Variants in DVL3 observed in about 807,000 individuals in gnomAD.
The protein encoded by DVL3 is segment polarity protein dishevelled homolog DVL-3.
In DVL3, 27 loss-of-function variants were observed where a neutral mutation model predicts 67.4. That is an observed-to-expected ratio of 0.40 (90% CI 0.30 to 0.55). The LOEUF (loss-of-function observed/expected upper bound fraction) is 0.55, where lower values mean the gene tolerates loss of function less well. Ranked by LOEUF, DVL3 falls within the 20% of genes least tolerant of loss-of-function variation. The pLI, the probability that DVL3 is intolerant of heterozygous loss-of-function variation, is 0.46. For synonymous variants in DVL3, 369 were observed against 396.8 expected, an observed-to-expected ratio of 0.93 and a Z score of 0.83; for missense variants, 819 against 1,021.5, an observed-to-expected ratio of 0.80 and a Z score of 2.70.
Position 184,164,714 on chromosome 3 carries a change from G to A in DVL3, c.464-82G>A. On this transcript the variant is annotated intron_variant, in intron 4 of 14. Coordinates refer to ENST00000313143, the MANE Select transcript of DVL3 (RefSeq NM_004423.4). This position sits in a 1 kb window ranked among gnomAD's most constrained non-coding sequence, Gnocchi z 5.3. ...CGAGCTCAGGATATGCCTGGCCCCA[G>A]TGCAGCCCCTGGCTTGCCTCTCTCC... is the stretch of plus-strand genomic sequence containing the variant. 5.0e-6 allele frequency: 8 copies of A among 1,599,832 alleles called. No homozygotes were observed. Among genetic ancestry groups the A allele is most frequent in the Non-Finnish European group, 8.5e-7 (1 of 1,171,666 alleles).
rs567656191 is a variant in DVL3, at chr3:184,165,410, T to C, written c.694-12T>C. On this transcript the variant is annotated splice_polypyrimidine_tract_variant and intron_variant, in intron 6 of 14. Coordinates refer to ENST00000313143, the MANE Select transcript of DVL3 (RefSeq NM_004423.4). The surrounding 1 kb of genome is among the most constrained non-coding windows in gnomAD (Gnocchi z 4.1). Reference sequence around the variant, plus strand: ...ACCTCCACCTGCTGCTCAGGGCCTCTGTCTATTCCAGTCCTCGTCCTTCAG... The same window carrying C: ...ACCTCCACCTGCTGCTCAGGGCCTCCGTCTATTCCAGTCCTCGTCCTTCAG... The C allele has an allele frequency of 1.9e-6, 3 of 1,613,878 alleles. No individual in the cohort carries two copies. The highest frequency in any genetic ancestry group is 2.7e-5 in the African/African-American group (2 of 75,036).
At position 184,172,693 on chromosome 3, in the gene DVL3, G is replaced by C. The variant is rs999872922; in HGVS notation, c.*1938G>C. ...GCGGAGGTTGCAGTGAGTTGAGATC[G>C]CACTCCAGCCTGGGTGACAGAGTGA... On this transcript the variant is annotated 3_prime_UTR_variant, in exon 15 of 15. Coordinates refer to ENST00000313143, the MANE Select transcript of DVL3 (RefSeq NM_004423.4). 3 of 152,204 alleles carry C rather than the reference G, an allele frequency of 2.0e-5. No individual in the cohort carries two copies. The highest frequency in any genetic ancestry group is 4.4e-5 in the Non-Finnish European group (3 of 68,058). 9.4% of individuals were successfully genotyped at this position (152,204 alleles called of 1,614,324 possible).
rs1283448203 is a variant in DVL3, at chr3:184,171,589, C to G, written c.*834C>G. On this transcript the variant is annotated 3_prime_UTR_variant, in exon 15 of 15. Transcript: ENST00000313143. Reference sequence around the variant, plus strand: ...CAGCCAAGAATTTCGGGCTGTTTGACTTTCTGTGAGCCCCCAGCGAGGGGA... The same window carrying G: ...CAGCCAAGAATTTCGGGCTGTTTGAGTTTCTGTGAGCCCCCAGCGAGGGGA... The G allele has an allele frequency of 4.1e-6, 4 of 985,972 alleles. No individual in the cohort carries two copies. Among genetic ancestry groups the G allele is most frequent in the Non-Finnish European group, 4.8e-6 (4 of 830,000 alleles). The allele number at this position is 985,972 out of a possible 1,614,324, so 61.1% of individuals were successfully genotyped here. A position where few individuals can be genotyped will look rare whatever the true frequency, so the allele number is the denominator to read the frequency against.
chr3:184,159,476 G>A (rs1714305694), intron 1 of DVL3, among the ~76,000 whole-genome samples: 1 of 101,678 alleles, frequency 9.8e-6, no homozygotes, highest in African/African-American at 3.8e-5. Context: ...CGATTCTCCT[G>A]CTTCAGCCTC....
Position 184,170,576 on chromosome 3 carries a change from G to C in DVL3, c.1972G>C (p.Val658Leu), listed in dbSNP as rs1269975252. 1.2e-6 allele frequency: 2 copies of C among 1,612,384 alleles called. No homozygotes were observed. Residue 658 changes from valine to leucine, a missense_variant, in exon 15 of 15, where the codon GTG (valine) becomes CTG (leucine). Val to Leu is a conservative substitution (Grantham distance 32). Coordinates refer to ENST00000313143, the MANE Select transcript of DVL3 (RefSeq NM_004423.4). The surrounding 1 kb of genome is among the most constrained non-coding windows in gnomAD (Gnocchi z 6.5). ...ACACCCGAGCTACGGTCCTCCCGGA[G>C]TGCCCCCTCTCTACGGCCCCCCCAT... ...HTHPSYGPPG[V>L]PPLYGPPMLM... is the part of the protein sequence containing the mutation.
In DVL3 at chr3:184,170,186, A is replaced by C; in HGVS notation, c.1679A>C (p.Tyr560Ser). 1 of 1,611,768 alleles carries C rather than the reference A, an allele frequency of 6.2e-7. No individual in the cohort carries two copies. Among genetic ancestry groups the C allele is most frequent in the South Asian group, 1.1e-5 (1 of 91,050 alleles). ...HPGFPELGYS[Y>S]GGGSASSQHS... The stretch of plus-strand genomic sequence containing the variant: ...GGCTTCCCGGAGCTGGGCTACAGCT[A>C]CGGCGGGGGCAGCGCCAGCAGTCAG... The change falls in exon 14 of 15, where the codon TAC becomes TCC. Residue 560 changes from tyrosine (Y) to serine (S), a missense_variant. Physicochemically the swap from Tyr to Ser is moderately radical, Grantham distance 144. This residue lies in a region of DVL3 where 324 missense variants were observed against 331.3 expected (regional missense o/e 0.98). Transcript: ENST00000313143. The surrounding 1 kb of genome is among the most constrained non-coding windows in gnomAD (Gnocchi z 6.5).
At chr3:184,156,209 C>T (rs940339057) in intron 1 of DVL3, among the ~76,000 whole-genome samples, 4 of 152,176 alleles carry the variant, frequency 2.6e-5, no homozygotes, top group Non-Finnish European at 5.9e-5. Context: ...CGTTCTTCGC[C>T]CCCTTCATCT....
Position 184,155,539 on chromosome 3 carries a change from A to G in DVL3, c.-97A>G. On this transcript the variant is annotated 5_prime_UTR_variant, in exon 1 of 15. Coordinates refer to ENST00000313143, the MANE Select transcript of DVL3 (RefSeq NM_004423.4). This position sits in a 1 kb window ranked among gnomAD's most constrained non-coding sequence, Gnocchi z 5.4. ...CGCCAGCAGCCGCCGAGCTGGGTTG[A>G]GCCGCTGGGCCGCGCCGCGCGCCGC... is the stretch of plus-strand genomic sequence containing the variant. 1 of 803,898 alleles carries G rather than the reference A, an allele frequency of 1.2e-6. No homozygotes were observed. The highest frequency in any genetic ancestry group is 1.5e-6 in the Non-Finnish European group (1 of 665,216). The allele number at this position is 803,898 out of a possible 1,614,324, so 49.8% of individuals were successfully genotyped here. A position where few individuals can be genotyped will look rare whatever the true frequency, so the allele number is the denominator to read the frequency against.
At position 184,165,386 on chromosome 3, in the gene DVL3, C is replaced by T. The variant is rs909086042; in HGVS notation, c.694-36C>T. The T allele has an allele frequency of 1.9e-6, 3 of 1,609,690 alleles. No individual in the cohort carries two copies. In the African/African-American group the frequency reaches 4.0e-5, roughly 22 times the overall value. On this transcript the variant is annotated intron_variant, in intron 6 of 14. Coordinates refer to ENST00000313143, the MANE Select transcript of DVL3 (RefSeq NM_004423.4). The surrounding 1 kb of genome is among the most constrained non-coding windows in gnomAD (Gnocchi z 4.1). ...GTCAGGTGGGAGTGAATTCCTGCCACCTCCACCTGCTGCTCAGGGCCTCTG... is the reference window on the plus strand; with the variant it reads ...GTCAGGTGGGAGTGAATTCCTGCCATCTCCACCTGCTGCTCAGGGCCTCTG...
chr3:184,167,424 C>G lies in DVL3; in HGVS notation c.1199-156C>G, dbSNP rs79715240. Among the ~76,000 whole-genome samples, 1,559 of 152,234 alleles carry G rather than the reference C, an allele frequency of 0.01. 33 individuals carry two copies. The highest frequency in any genetic ancestry group is 0.036 in the African/African-American group (1,508 of 41,528). On this transcript the variant is annotated intron_variant, in intron 11 of 14. Transcript: ENST00000313143. The surrounding 1 kb of genome is among the most constrained non-coding windows in gnomAD (Gnocchi z 4.6). The stretch of plus-strand genomic sequence containing the variant: ...CCTTGTAAAGTAGATATTAAAATCC[C>G]CATTTTTTACAGAAGGGGAAACTGA...
Position 184,163,087 on chromosome 3 carries a change from A to T in DVL3, c.162-570A>T, listed in dbSNP as rs1002489199. ...TTTTTAGTAGAGATGGGGTTTTGCC[A>T]TGTTAGCCAGGCTGGTCTCGTACTC... On this transcript the variant is annotated intron_variant, in intron 1 of 14. Coordinates refer to ENST00000313143, the MANE Select transcript of DVL3 (RefSeq NM_004423.4). The surrounding 1 kb of genome is among the most constrained non-coding windows in gnomAD (Gnocchi z 4.5). 6.6e-6 allele frequency among the ~76,000 whole-genome samples: 1 copy of T among 152,084 alleles called. No individual in the cohort carries two copies. The highest frequency in any genetic ancestry group is 2.4e-5 in the African/African-American group (1 of 41,406).
In DVL3 at chr3:184,165,783, T is replaced by G. The variant is rs1170507455; in HGVS notation, c.763+292T>G. On this transcript the variant is annotated intron_variant, in intron 7 of 14. Coordinates refer to ENST00000313143, the MANE Select transcript of DVL3 (RefSeq NM_004423.4). The surrounding 1 kb of genome is among the most constrained non-coding windows in gnomAD (Gnocchi z 4.1). ...GCCATTGCATCCTTGCTCTCCGATTTCTGCCCTAGGTACTCTCTTTATGAG... is the reference window on the plus strand; with the variant it reads ...GCCATTGCATCCTTGCTCTCCGATTGCTGCCCTAGGTACTCTCTTTATGAG... Among the ~76,000 whole-genome samples, 3 of 152,220 alleles carry G rather than the reference T, an allele frequency of 2.0e-5. No individual in the cohort carries two copies. Among genetic ancestry groups the G allele is most frequent in the Admixed American group, 2.0e-4 (3 of 15,286 alleles).
rs1306554661 is a variant in DVL3 at position 184,170,209 on chromosome 3, C to A, written c.1702C>A (p.Gln568Lys). The change falls in exon 14 of 15, where the codon CAG becomes AAG. Residue 568 changes from glutamine to lysine, a missense_variant. By Grantham distance (53) the Gln-to-Lys change is moderately conservative. Transcript: ENST00000313143. This position sits in a 1 kb window ranked among gnomAD's most constrained non-coding sequence, Gnocchi z 6.5. ...YSYGGGSASSQHSEGSRSSGS... is the reference protein window; with the variant it reads ...YSYGGGSASSKHSEGSRSSGS... ...CTACGGCGGGGGCAGCGCCAGCAGTCAGCACAGCGAAGGTAAGGTAGAGGG... is the reference window on the plus strand; with the variant it reads ...CTACGGCGGGGGCAGCGCCAGCAGTAAGCACAGCGAAGGTAAGGTAGAGGG... 1.2e-6 allele frequency: 2 copies of A among 1,611,544 alleles called. No homozygotes were observed. Among genetic ancestry groups the A allele is most frequent in the Admixed American group, 1.7e-5 (1 of 59,938 alleles).
At chr3:184,161,193 G>A (rs951215777) in intron 1 of DVL3, among the ~76,000 whole-genome samples, 1 of 152,212 alleles carries the variant, frequency 6.6e-6, no homozygotes, top group Non-Finnish European at 1.5e-5. Context: ...TGGGGAGGCC[G>A]AGGTGGGCGG....
chr3:184,155,563 G>A lies in DVL3; in HGVS notation c.-73G>A. ...GAGCCGCTGGGCCGCGCCGCGCGCC[G>A]CCGCCGTCTGGGAGGCTCGGCCCGG... On this transcript the variant is annotated 5_prime_UTR_variant, in exon 1 of 15. Transcript: ENST00000313143. The surrounding 1 kb of genome is among the most constrained non-coding windows in gnomAD (Gnocchi z 5.4). The A allele has an allele frequency of 6.2e-6, 6 of 961,390 alleles. No homozygotes were observed. Among genetic ancestry groups the A allele is most frequent in the Non-Finnish European group, 7.4e-6 (6 of 805,764 alleles). 59.6% of individuals were successfully genotyped at this position (961,390 alleles called of 1,614,324 possible). A position where few individuals can be genotyped will look rare whatever the true frequency, so the allele number is the denominator to read the frequency against.
At position 184,170,254 on chromosome 3, in the gene DVL3, G is replaced by C; in HGVS notation, c.1714+33G>C. The C allele has an allele frequency of 6.2e-7, 1 of 1,608,414 alleles. No homozygotes were observed. Among genetic ancestry groups the C allele is most frequent in the Non-Finnish European group, 8.5e-7 (1 of 1,177,280 alleles). The stretch of plus-strand genomic sequence containing the variant: ...AGAGGGGCCGTGGAGGAAGGCTATA[G>C]GTGGGCCCCAGGCTTCCCCCGCCCG... On this transcript the variant is annotated intron_variant, in intron 14 of 14. Transcript: ENST00000313143. The surrounding 1 kb of genome is among the most constrained non-coding windows in gnomAD (Gnocchi z 6.5).
chr3:184,168,812 C>T (rs968306672), intron 13 of DVL3, among the ~76,000 whole-genome samples: 1 of 152,166 alleles, frequency 6.6e-6, no homozygotes, highest in Non-Finnish European at 1.5e-5. Context: ...GTCCTGGTGG[C>T]CCCTTATATT....
At chr3:184,168,777 A>G (rs1714691037) in intron 13 of DVL3, among the ~76,000 whole-genome samples, 1 of 152,208 alleles carries the variant, frequency 6.6e-6, no homozygotes, top group South Asian at 2.1e-4. Flanking sequence ...GTGTGTGAGC[A>G]GAGGGTGTCC....
In DVL3 at chr3:184,167,557, AC is replaced by A; in HGVS notation, c.1199-21del. 1 of 1,610,794 alleles carries A rather than the reference AC, an allele frequency of 6.2e-7. No homozygotes were observed. Among genetic ancestry groups the A allele is most frequent in the South Asian group, 1.1e-5 (1 of 90,954 alleles). On this transcript the variant is annotated intron_variant, in intron 11 of 14. Transcript: ENST00000313143. This position sits in a 1 kb window ranked among gnomAD's most constrained non-coding sequence, Gnocchi z 4.6. ...TAACTCCAAAGCCCCTTTCTGCCTC[AC>A]CATTCTGCCTCCCACCCCCAGGCCT...
Sources: gnomAD v4.1 joint callset for allele counts (sites outside exome capture counted in the v4.1 genomes callset) on GRCh38, gnomAD v4.1.1 for gene constraint, gnomAD v4.1.1 regional missense constraint, Gnocchi (gnomAD v3.1) non-coding constraint, MANE v1.5 for transcripts, NCBI Gene and HGNC (gene_info 2026-07-23, HGNC 2026-07-21) for gene names.